Variants in BBC3 observed in about 807,000 individuals in gnomAD.
The protein encoded by BBC3 is bcl-2-binding component 3.
BBC3 carries 5 observed loss-of-function variants against 18.2 expected under a neutral mutation model. The ratio of observed to expected loss-of-function variants is 0.27; its 90% CI spans 0.14 to 0.58. BBC3 has a LOEUF of 0.58. Ranked by LOEUF, BBC3 falls within the 20% of genes least tolerant of loss-of-function variation. BBC3 has a pLI of 0.91. For synonymous variants in BBC3, 119 were observed against 128.0 expected, an observed-to-expected ratio of 0.93 and a Z score of 0.47; for missense variants, 224 against 268.9, an observed-to-expected ratio of 0.83 and a Z score of 1.17.
At chr19:47,232,738 A>G (rs1235767517), upstream of BBC3, 7 of 737,100 alleles carry the variant, frequency 9.5e-6, no homozygotes, top group African/African-American at 1.8e-5. Flanking sequence ...TTCCATCCTT[A>G]CTGGGTCTCA....
chr19:47,224,073 T>A (rs1484861130), intron 3 of BBC3, among the ~76,000 whole-genome samples: 1 of 152,138 alleles, frequency 6.6e-6, no homozygotes, highest in Non-Finnish European at 1.5e-5. Flanking sequence ...GGTGGGTGGA[T>A]CACCTGAGGT....
chr19:47,224,908 T>C lies in BBC3; in HGVS notation c.465+1656A>G, dbSNP rs574493827. Among the ~76,000 whole-genome samples the C allele has an allele frequency of 6.7e-5, 10 of 149,224 alleles. No homozygotes were observed. The South Asian group carries it at 2.1e-3, about 31-fold the overall frequency. ...CGTGTGCCACCATGCTCAGCTACTT[T>C]TTGTTTCTTTTTTTTTTTTTGAGAC... On this transcript the variant is annotated intron_variant, in intron 3 of 3. Coordinates refer to ENST00000439096, the MANE Select transcript of BBC3 (RefSeq NM_014417.5).
chr19:47,223,825 G>A (rs1194267986), intron 3 of BBC3, among the ~76,000 whole-genome samples: 1 of 152,146 alleles, frequency 6.6e-6, no homozygotes, highest in Non-Finnish European at 1.5e-5. Flanking sequence ...GGCAAAGGGG[G>A]CACATCGGAT....
chr19:47,221,824 G>A lies in BBC3; in HGVS notation c.560C>T (p.Ala187Val), dbSNP rs774040467. 142 of 1,613,606 alleles carry A rather than the reference G, an allele frequency of 8.8e-5. 1 individual carries two copies. In the South Asian group the frequency reaches 1.5e-3, roughly 17 times the overall value. The change falls in exon 4 of 4, where the codon GCC becomes GTC. Residue 187 changes from alanine (A) to valine (V), a missense_variant. Ala to Val is a moderately conservative substitution (Grantham distance 64, BLOSUM62 0). Transcript: ENST00000439096. Reference protein sequence around the residue: ...GLLPLPRGHRAPEMEPN With the variant: ...GLLPLPRGHRVPEMEPN ...CACCTAATTGGGCTCCATCTCGGGGGCTCTGTGGCCCCTGGGTAAGGGCAG... is the reference window on the plus strand; with the variant it reads ...CACCTAATTGGGCTCCATCTCGGGGACTCTGTGGCCCCTGGGTAAGGGCAG...
At chr19:47,223,514 C>T (rs2058775913) in intron 3 of BBC3, among the ~76,000 whole-genome samples, 1 of 152,056 alleles carries the variant, frequency 6.6e-6, no homozygotes, top group African/African-American at 2.4e-5. Context: ...TTGCAGTGAG[C>T]CGAGATTGCA....
rs1404097158 is a variant in BBC3 at position 47,221,894 on chromosome 19, G to A, written c.490C>T (p.Arg164Cys). 7 of 1,608,602 alleles carry A rather than the reference G, an allele frequency of 4.4e-6. No individual in the cohort carries two copies. The highest frequency in any genetic ancestry group is 1.7e-5 in the Admixed American group (1 of 58,516). Residue 164 changes from arginine (R) to cysteine (C), a missense_variant, in exon 4 of 4, where the codon CGC (arginine) becomes TGC (cysteine). Physicochemically the swap from Arg to Cys is radical, Grantham distance 180. Coordinates refer to ENST00000439096, the MANE Select transcript of BBC3 (RefSeq NM_014417.5). Reference sequence around the variant, plus strand: ...TACAGGACCCTCCAGGGTGAGGGGCGGTGCCGCTGCTGCTCCTCTTGTCTC... The same window carrying A: ...TACAGGACCCTCCAGGGTGAGGGGCAGTGCCGCTGCTGCTCCTCTTGTCTC... Reference protein sequence around the residue: ...RRRQEEQQRHRPSPWRVLYNL... With the variant: ...RRRQEEQQRHCPSPWRVLYNL...
Position 47,228,122 on chromosome 19 carries a change from G to A in BBC3, c.274+36C>T, listed in dbSNP as rs927692435. On this transcript the variant is annotated intron_variant, in intron 2 of 3. Coordinates refer to ENST00000439096, the MANE Select transcript of BBC3 (RefSeq NM_014417.5). This position sits in a 1 kb window ranked among gnomAD's most constrained non-coding sequence, Gnocchi z 5.5. ...CGAGTCTCCAGCCCTCTCTCTTCCC[G>A]GCTCCTATCACCCCGGGGGCGGGGC... 2.6e-5 allele frequency: 32 copies of A among 1,224,202 alleles called. No individual in the cohort carries two copies. The highest frequency in any genetic ancestry group is 3.2e-5 in the East Asian group (1 of 31,638). The allele number at this position is 1,224,202 out of a possible 1,614,324, so 75.8% of individuals were successfully genotyped here.
At position 47,230,657 on chromosome 19, in the gene BBC3, G is replaced by T; in HGVS notation, c.-16+272C>A. The T allele has an allele frequency of 1.1e-6, 1 of 914,246 alleles. No individual in the cohort carries two copies. Among genetic ancestry groups the T allele is most frequent in the Non-Finnish European group, 1.3e-6 (1 of 765,278 alleles). The allele number at this position is 914,246 out of a possible 1,614,324, so 56.6% of individuals were successfully genotyped here. A position where few individuals can be genotyped will look rare whatever the true frequency, so the allele number is the denominator to read the frequency against. On this transcript the variant is annotated intron_variant, in intron 1 of 3. Transcript: ENST00000439096. The surrounding 1 kb of genome is among the most constrained non-coding windows in gnomAD (Gnocchi z 6.7). ...CCTCTTCCCCGGGGCCGCACTGGCC[G>T]CCAGGGGGCGCTGCCGAGCCCGCAC...
chr19:47,232,084 G>A (rs900503796), upstream of BBC3, among the ~76,000 whole-genome samples: 10 of 152,232 alleles, frequency 6.6e-5, no homozygotes, highest in Admixed American at 5.9e-4. Flanking sequence ...CGACACGGTG[G>A]CTCATGCCTG....
intron 3 of BBC3, among the ~76,000 whole-genome samples, chr19:47,223,565 T>C (rs1425464282): frequency 1.3e-5 from 2 of 152,034 alleles, no homozygotes; most frequent in African/African-American, 4.8e-5. Flanking sequence ...AGACTCCGTG[T>C]CAAAAAAAAA....
At chr19:47,226,536 T>C in intron 3 of BBC3, 28 bp downstream of exon 3, 1 of 1,487,340 alleles carries the variant, frequency 6.7e-7, no homozygotes, top group Non-Finnish European at 9.0e-7. Flanking sequence ...AAGTCCCACC[T>C]GCCGTCTACC....
chr19:47,226,629 C>T lies in BBC3; in HGVS notation c.400G>A (p.Ala134Thr). The T allele has an allele frequency of 6.4e-7, 1 of 1,566,766 alleles. No homozygotes were observed. Residue 134 changes from alanine to threonine, a missense_variant, in exon 3 of 4, where the codon GCC (alanine) becomes ACC (threonine). Coordinates refer to ENST00000439096, the MANE Select transcript of BBC3 (RefSeq NM_014417.5). The part of the protein sequence containing the change: ...PGVRGEEEQW[A>T]REIGAQLRRM... ...CGCAGCTGGGCCCCGATCTCCCGGG[C>T]CCACTGTTCCTCCTCCCCGCGGACT...
rs542241792 is a variant in BBC3, at chr19:47,221,433, C to A, written c.*369G>T. On this transcript the variant is annotated 3_prime_UTR_variant, in exon 4 of 4. Transcript: ENST00000439096. ...AGGAGCACCGAGAGGAGAGCCCCCC[C>A]CTCCCAGTGTCACCCCTGCAGCTGG... 8.3e-5 allele frequency: 21 copies of A among 254,386 alleles called. 2 individuals are homozygous for A. The highest frequency in any genetic ancestry group is 3.9e-4 in the African/African-American group (16 of 40,748). The allele number at this position is 254,386 out of a possible 1,614,324, so 15.8% of individuals were successfully genotyped here.
intron 3 of BBC3, among the ~76,000 whole-genome samples, chr19:47,223,088 G>C (rs1418324997): frequency 6.6e-6 from 1 of 151,054 alleles, no homozygotes; most frequent in Non-Finnish European, 1.5e-5. Context: ...GGCTAACACA[G>C]TGAAACCCCA....
At chr19:47,226,865 TC>T in intron 2 of BBC3, 111 bp from the exon 3 acceptor site, 1 of 988,710 alleles carries the variant, frequency 1.0e-6, no homozygotes, top group Non-Finnish European at 1.4e-6. Context: ...TTTCTAGTGA[TC>T]CCATCGCTAG....
chr19:47,231,281 C>G, upstream of BBC3: 1 of 843,508 alleles, frequency 1.2e-6, no homozygotes, highest in Non-Finnish European at 1.4e-6. This position sits in a 1 kb window ranked among gnomAD's most constrained non-coding sequence, Gnocchi z 4.0. Flanking sequence ...GTCCCACGCC[C>G]CGCCCCCGCG....
chr19:47,224,734 T>TG (rs202004485), intron 3 of BBC3, among the ~76,000 whole-genome samples: 43 of 151,156 alleles, frequency 2.8e-4, no homozygotes, highest in African/African-American at 9.0e-4. Context: ...AATGACTTTT[T>TG]TTTTTTTTTT....
chr19:47,229,482 A>C (rs1182844770), intron 1 of BBC3, among the ~76,000 whole-genome samples: 1 of 151,810 alleles, frequency 6.6e-6, no homozygotes, highest in African/African-American at 2.4e-5. Flanking sequence ...ACACACACAC[A>C]CACACACCCT....
At chr19:47,232,424 C>T (rs1188346234), upstream of BBC3, 22 of 1,101,768 alleles carry the variant, frequency 2.0e-5, no homozygotes, top group Non-Finnish European at 2.9e-5. Context: ...AACTGACCAC[C>T]CACACATGTC....
Sources: gnomAD v4.1 joint callset for allele counts (sites outside exome capture counted in the v4.1 genomes callset) on GRCh38, gnomAD v4.1.1 for gene constraint, Gnocchi (gnomAD v3.1) non-coding constraint, MANE v1.5 for transcripts, NCBI Gene and HGNC (gene_info 2026-07-23, HGNC 2026-07-21) for gene names.